Variants in TAOK3 observed in about 807,000 individuals in gnomAD.
TAOK3 encodes TAO kinase 3.
A neutral mutation model predicts 120.4 loss-of-function variants in TAOK3; 40 were observed. The ratio of observed to expected loss-of-function variants is 0.33; its 90% confidence interval spans 0.26 to 0.43. The LOEUF (loss-of-function observed/expected upper bound fraction) is 0.43. Ranked by LOEUF, TAOK3 falls within the 20% of genes least tolerant of loss-of-function variation. The pLI is 1.00. For missense variants in TAOK3, 821 were observed against 1,112.1 expected, an observed-to-expected ratio of 0.74 and a Z score of 3.72; for synonymous variants, 355 against 387.5, an observed-to-expected ratio of 0.92 and a Z score of 0.99.
chr12:118,297,917 C>G (rs990304225), intron 1 of TAOK3, among the ~76,000 whole-genome samples: 2 of 152,124 alleles, frequency 1.3e-5, no homozygotes, highest in African/African-American at 4.8e-5. Context: ...ATAATGAAGA[C>G]TATAAGCACG....
intron 1 of TAOK3, among the ~76,000 whole-genome samples, chr12:118,269,895 T>G (rs2041629892): frequency 6.6e-6 from 1 of 152,212 alleles, no homozygotes; most frequent in Non-Finnish European, 1.5e-5. Flanking sequence ...TTCAATTTTC[T>G]TCCATTTTAC....
chr12:118,360,432 G>A (rs2045556226), intron 1 of TAOK3, among the ~76,000 whole-genome samples: 1 of 151,690 alleles, frequency 6.6e-6, no homozygotes, highest in Non-Finnish European at 1.5e-5. Context: ...GCCGGGCATG[G>A]TGGTGGGCAC....
chr12:118,214,614 T>C (rs1170280848), intron 9 of TAOK3, among the ~76,000 whole-genome samples: 1 of 151,750 alleles, frequency 6.6e-6, no homozygotes, highest in Non-Finnish European at 1.5e-5. Flanking sequence ...TCTTGCTCTG[T>C]TGCTCAGGCT....
intron 1 of TAOK3, among the ~76,000 whole-genome samples, chr12:118,369,755 TA>T (rs11286447): frequency 0.053 from 8,074 of 151,490 alleles, 622 homozygotes; most frequent in African/African-American, 0.17. Flanking sequence ...AAATTTAATG[TA>T]AAAAAAAATA....
At chr12:118,215,982 C>G (rs1165001638) in intron 9 of TAOK3, among the ~76,000 whole-genome samples, 1 of 152,038 alleles carries the variant, frequency 6.6e-6, no homozygotes, top group East Asian at 1.9e-4. Context: ...GGCAGATCAC[C>G]TGAGGCCAGG....
intron 1 of TAOK3, among the ~76,000 whole-genome samples, chr12:118,305,331 A>G (rs1482187817): frequency 6.6e-6 from 1 of 152,046 alleles, no homozygotes; most frequent in Non-Finnish European, 1.5e-5. Context: ...AAATACAAAA[A>G]TTAGCCGGGC....
At position 118,243,479 on chromosome 12, in the gene TAOK3, C is replaced by A; in HGVS notation, c.230G>T (p.Arg77Leu). 6.6e-7 allele frequency: 1 copy of A among 1,526,644 alleles called. No individual in the cohort carries two copies. 94.6% of individuals were successfully genotyped at this position (1,526,644 alleles called of 1,614,324 possible). ...AATAGTATTAGGATGCTTCAATTGT[C>A]GTAAAAATTTAACTTCCTTAAGAAT... ...QDILKEVKFL[R>L]QLKHPNTIEY... Residue 77 changes from arginine to leucine, a missense_variant, in exon 5 of 21, where the codon CGA becomes CTA. Arg to Leu is a moderately radical substitution (Grantham distance 102). Transcript: ENST00000392533.
At chr12:118,241,418 A>G (rs886309755) in intron 5 of TAOK3, among the ~76,000 whole-genome samples, 2 of 152,232 alleles carry the variant, frequency 1.3e-5, no homozygotes, top group African/African-American at 4.8e-5. Flanking sequence ...GAATATGCAT[A>G]CATAACCTCC....
At chr12:118,173,808 T>C (rs1439120039) in intron 16 of TAOK3, among the ~76,000 whole-genome samples, 1 of 152,016 alleles carries the variant, frequency 6.6e-6, no homozygotes. Context: ...CTTCATTTGG[T>C]TAGCTACTCA....
intron 13 of TAOK3, among the ~76,000 whole-genome samples, chr12:118,194,969 G>A (rs1487596396): frequency 2.6e-5 from 4 of 151,910 alleles, no homozygotes; most frequent in African/African-American, 4.8e-5. Context: ...GGCTCGTCTC[G>A]AACTCCTGAA....
intron 1 of TAOK3, among the ~76,000 whole-genome samples, chr12:118,360,424 C>A (rs1415374391): frequency 6.7e-6 from 1 of 149,872 alleles, no homozygotes; most frequent in Non-Finnish European, 1.5e-5. Context: ...AAAAATTAGC[C>A]GGGCATGGTG....
At chr12:118,193,049 G>GTTT (rs11380296) in intron 13 of TAOK3, among the ~76,000 whole-genome samples, 43,020 of 107,088 alleles carry the variant, frequency 0.4, 8,749 homozygotes, top group Non-Finnish European at 0.48. Flanking sequence ...CCACGTTGTT[G>GTTT]TTTTTTTTTT....
rs748467514 is a variant in TAOK3, at chr12:118,235,613, A to C, written c.496T>G (p.Phe166Val). ...TEPGQVKLAD[F>V]GSASMASPAN... ...GGAGAAGCCATTGAAGCAGATCCAA[A>C]ATCAGCTAGTTTTACCTGACCTGGC... Residue 166 changes from phenylalanine to valine, a missense_variant, in exon 8 of 21, where the codon TTT becomes GTT. Physicochemically the swap from Phe to Val is conservative, Grantham distance 50. Around this residue, in one of 2 missense-constraint regions of TAOK3, gnomAD observed 467 missense variants for 540.0 expected, o/e 0.86. Coordinates refer to ENST00000392533, the MANE Select transcript of TAOK3 (RefSeq NM_016281.4). 3.1e-6 allele frequency: 5 copies of C among 1,614,062 alleles called. No homozygotes were observed. Among genetic ancestry groups the C allele is most frequent in the Non-Finnish European group, 4.2e-6 (5 of 1,179,982 alleles).
chr12:118,244,925 T>C lies in TAOK3; in HGVS notation c.161A>G (p.Lys54Arg), dbSNP rs755318777. The change falls in exon 4 of 21, where the codon AAG becomes AGG. Residue 54 changes from lysine (K) to arginine (R), a missense_variant. Lys to Arg is a conservative substitution (Grantham distance 26, BLOSUM62 2). This residue lies in a region of TAOK3 where 467 missense variants were observed against 540.0 expected (regional missense o/e 0.86). Coordinates refer to ENST00000392533, the MANE Select transcript of TAOK3 (RefSeq NM_016281.4). ...GGTCTGCTTCCCACTATAGGACATC[T>C]TCTTAATTGCCACCACCTCACTGGT... Reference protein sequence around the residue: ...AHTSEVVAIKKMSYSGKQTHE... With the variant: ...AHTSEVVAIKRMSYSGKQTHE... 1 of 1,610,064 alleles carries C rather than the reference T, an allele frequency of 6.2e-7. No homozygotes were observed. Among genetic ancestry groups the C allele is most frequent in the Non-Finnish European group, 8.5e-7 (1 of 1,176,700 alleles).
chr12:118,225,777 A>C (rs1301079052), intron 9 of TAOK3, among the ~76,000 whole-genome samples: 1 of 152,236 alleles, frequency 6.6e-6, no homozygotes, highest in East Asian at 1.9e-4. Flanking sequence ...TATATATTTA[A>C]GGTGTACAAT....
chr12:118,255,067 T>TC (rs946326152), intron 3 of TAOK3, among the ~76,000 whole-genome samples: 4 of 152,128 alleles, frequency 2.6e-5, no homozygotes, highest in Non-Finnish European at 2.9e-5. Flanking sequence ...CGGCTGAAGC[T>TC]CTTAACTTTC....
At chr12:118,340,592 A>G (rs988428006) in intron 1 of TAOK3, among the ~76,000 whole-genome samples, 1 of 152,158 alleles carries the variant, frequency 6.6e-6, no homozygotes, top group Non-Finnish European at 1.5e-5. Context: ...GGACTTTCTA[A>G]TTATAGAAAA....
chr12:118,371,220 G>A lies in TAOK3; in HGVS notation c.-194+1428C>T, dbSNP rs987766778. ...ATATTCTTATTAATCTAAAACACGG[G>A]TCTCCAAAAGGATCCCTGTCCCTTT... On this transcript the variant is annotated intron_variant, in intron 1 of 20. Transcript: ENST00000392533. This position sits in a 1 kb window ranked among gnomAD's most constrained non-coding sequence, Gnocchi z 5.5. Among the ~76,000 whole-genome samples, 1 of 152,118 alleles carries A rather than the reference G, an allele frequency of 6.6e-6. No homozygotes were observed. The highest frequency in any genetic ancestry group is 1.5e-5 in the Non-Finnish European group (1 of 68,034).
At chr12:118,176,423 T>C (rs547926812) in intron 16 of TAOK3, among the ~76,000 whole-genome samples, 17 of 152,250 alleles carry the variant, frequency 1.1e-4, no homozygotes, top group African/African-American at 3.9e-4. Context: ...GATTTTGACT[T>C]GTCCTAAAAG....
Sources: gnomAD v4.1 joint callset for allele counts (sites outside exome capture counted in the v4.1 genomes callset) on GRCh38, gnomAD v4.1.1 for gene constraint, gnomAD v4.1.1 regional missense constraint, Gnocchi (gnomAD v3.1) non-coding constraint, MANE v1.5 for transcripts, NCBI Gene and HGNC (gene_info 2026-07-23, HGNC 2026-07-21) for gene names.